The following MESP2 variants were observed in gnomAD, a reference collection of about 807,000 sequenced individuals.
MESP2 encodes the protein mesoderm posterior protein 2.
A neutral mutation model predicts 37.8 loss-of-function variants in MESP2; 34 were observed. The observed-to-expected ratio is 0.90, with a 90% CI of 0.68 to 1.20. The LOEUF (loss-of-function observed/expected upper bound fraction) is 1.20, where lower values mean the gene tolerates loss of function less well. Among genes scored for constraint, MESP2 ranks in the 50% most tolerant of loss-of-function variants. The pLI is 0.00. For missense variants in MESP2, 646 were observed against 545.3 expected, an observed-to-expected ratio of 1.18 and a Z score of -1.84; for synonymous variants, 303 against 251.6, an observed-to-expected ratio of 1.20 and a Z score of -1.93.
Position 89,776,867 on chromosome 15 carries a change from C to A in MESP2, c.510C>A (p.Pro170=). 6.9e-7 allele frequency: 1 copy of A among 1,457,114 alleles called. No homozygotes were observed. Among genetic ancestry groups the A allele is most frequent in the Non-Finnish European group, 9.0e-7 (1 of 1,111,022 alleles). 90.3% of individuals were successfully genotyped at this position (1,457,114 alleles called of 1,614,324 possible). Residue 170 remains proline (P), a synonymous_variant, in exon 1 of 2, where the codon CCC becomes CCA. Transcript: ENST00000341735. ...WGCPLCPDRG[P]AEAQTQAEGQ... ...GCCCGCTGTGCCCCGACCGTGGCCCCGCAGAGGCGCAGACGCAGGCGGAGG... is the reference window on the plus strand; with the variant it reads ...GCCCGCTGTGCCCCGACCGTGGCCCAGCAGAGGCGCAGACGCAGGCGGAGG...
At position 89,778,439 on chromosome 15, in the gene MESP2, C is replaced by A; in HGVS notation, c.*105C>A. Reference sequence around the variant, plus strand: ...TCATGTTCTCCTTTAGCCAAGGCTCCCTTTTTCCAAGTGATGTCTTTCAGG... The same window carrying A: ...TCATGTTCTCCTTTAGCCAAGGCTCACTTTTTCCAAGTGATGTCTTTCAGG... On this transcript the variant is annotated 3_prime_UTR_variant, in exon 2 of 2. Transcript: ENST00000341735. The A allele has an allele frequency of 7.0e-7, 1 of 1,428,364 alleles. No homozygotes were observed. Among genetic ancestry groups the A allele is most frequent in the Non-Finnish European group, 9.7e-7 (1 of 1,028,920 alleles). 88.5% of individuals were successfully genotyped at this position (1,428,364 alleles called of 1,614,324 possible). A position where few individuals can be genotyped will look rare whatever the true frequency, so the allele number is the denominator to read the frequency against.
chr15:89,777,128 GC>G lies in MESP2; in HGVS notation c.776del (p.Pro259ArgfsTer222). ...CCCCTTACTGCCCCAAGATACAGTC[GC>G]CCCCGTATTCGTCCCAAGGGACAAC... ...TPPYCPKIQS[P>X]PYSSQGTTSD... On this transcript the variant is annotated frameshift_variant, in exon 1 of 2. Transcript: ENST00000341735. LOFTEE classifies it high-confidence loss of function. 2 of 1,612,908 alleles carry G rather than the reference GC, an allele frequency of 1.2e-6. No homozygotes were observed. The highest frequency in any genetic ancestry group is 2.2e-5 in the East Asian group (1 of 44,862).
At position 89,776,503 on chromosome 15, in the gene MESP2, G is replaced by A. The variant is rs1341392113; in HGVS notation, c.146G>A (p.Arg49His). The change falls in exon 1 of 2, where the codon CGC (arginine) becomes CAC (histidine). Residue 49 changes from arginine to histidine, a missense_variant. Coordinates refer to ENST00000341735, the MANE Select transcript of MESP2 (RefSeq NM_001039958.2). ...SSGSCPCDGA[R>H]GLPQPQPPSC... ...GGTTCGTGCCCCTGCGACGGCGCCC[G>A]CGGACTCCCGCAGCCACAGCCTCCG... is the stretch of plus-strand genomic sequence containing the variant. 3.3e-6 allele frequency: 5 copies of A among 1,533,158 alleles called. No homozygotes were observed. In the South Asian group the frequency reaches 3.6e-5, roughly 11 times the overall value. The allele number at this position is 1,533,158 out of a possible 1,614,324, so 95.0% of individuals were successfully genotyped here.
At position 89,776,707 on chromosome 15, in the gene MESP2, A is replaced by G. The variant is rs757019924; in HGVS notation, c.350A>G (p.Gln117Arg). 3.8e-5 allele frequency: 60 copies of G among 1,565,120 alleles called. No homozygotes were observed. In the Admixed American group the frequency reaches 1.0e-3, roughly 27 times the overall value. ...CCTCCCTCCTTGGCGCCGGCCGGCC[A>G]GAGCCTGACCAAGATCGAGACGCTG... ...FLPPSLAPAG[Q>R]SLTKIETLRL... The change falls in exon 1 of 2, where the codon CAG (glutamine) becomes CGG (arginine). Residue 117 changes from glutamine (Q) to arginine (R), a missense_variant. Transcript: ENST00000341735.
rs1968399722 is a variant in MESP2, at chr15:89,778,494, C to A, written c.*160C>A. 2.1e-6 allele frequency: 2 copies of A among 974,732 alleles called. No homozygotes were observed. Among genetic ancestry groups the A allele is most frequent in the Admixed American group, 2.1e-5 (1 of 47,894 alleles). 60.4% of individuals were successfully genotyped at this position (974,732 alleles called of 1,614,324 possible). On this transcript the variant is annotated 3_prime_UTR_variant, in exon 2 of 2. Transcript: ENST00000341735. ...CAGTGTTTGAAATAGATAGCGGGTA[C>A]CTTCCCTGGATGGAGTCAGGGCGGG... is the stretch of plus-strand genomic sequence containing the variant.
At chr15:89,777,403 C>T (rs1260723412) in intron 1 of MESP2, 122 bp downstream of exon 1, 15 of 1,164,786 alleles carry the variant, frequency 1.3e-5, no homozygotes, top group East Asian at 2.6e-5. Context: ...AAGGAACCCC[C>T]GGCTCCGTGG....
In MESP2 at chr15:89,776,368, C is replaced by G. The variant is rs1555439013; in HGVS notation, c.11C>G (p.Ser4Trp). The change falls in exon 1 of 2, where the codon TCG becomes TGG. Residue 4 changes from serine (S) to tryptophan (W), a missense_variant. Transcript: ENST00000341735. MAQ[S>W]PPPQSLLGHD... ...GCCTGCAGCCCGGCCATGGCCCAGT[C>G]GCCTCCTCCGCAGAGCCTCCTCGGC... 6.5e-7 allele frequency: 1 copy of G among 1,532,002 alleles called. No homozygotes were observed. The highest frequency in any genetic ancestry group is 1.2e-5 in the South Asian group (1 of 83,458). 94.9% of individuals were successfully genotyped at this position (1,532,002 alleles called of 1,614,324 possible). A position where few individuals can be genotyped will look rare whatever the true frequency, so the allele number is the denominator to read the frequency against.
At chr15:89,777,883 T>C (rs191344157) in intron 1 of MESP2, among the ~76,000 whole-genome samples, 182 bp from the exon 2 acceptor site, 22 of 152,294 alleles carry the variant, frequency 1.4e-4, no homozygotes, top group Admixed American at 1.4e-3. Flanking sequence ...GTAGCAGAAC[T>C]GGGATTTAAG....
In MESP2 at chr15:89,778,298, A is replaced by G. The variant is rs746629107; in HGVS notation, c.1158A>G (p.Glu386=). The change falls in exon 2 of 2, where the codon GAA becomes GAG. Residue 386 remains glutamate (E), a synonymous_variant. Coordinates refer to ENST00000341735, the MANE Select transcript of MESP2 (RefSeq NM_001039958.2). ...RFSGCPELWQ[E]DLEGARLGIF... ...GTGGCTGCCCTGAACTTTGGCAAGA[A>G]GATCTGGAGGGGGCCCGCCTGGGCA... 1.1e-5 allele frequency: 17 copies of G among 1,612,890 alleles called. No homozygotes were observed. The South Asian group carries it at 1.9e-4, about 18-fold the overall frequency.
chr15:89,778,387 C>T lies in MESP2; in HGVS notation c.*53C>T. ...AGGAATCAGTCCTGTAGCTTGGGTG[C>T]CTCCTTATTTGTTAATTAGTGGCTT... On this transcript the variant is annotated 3_prime_UTR_variant, in exon 2 of 2. Coordinates refer to ENST00000341735, the MANE Select transcript of MESP2 (RefSeq NM_001039958.2). 6.8e-6 allele frequency: 11 copies of T among 1,605,912 alleles called. No individual in the cohort carries two copies. Among genetic ancestry groups the T allele is most frequent in the Non-Finnish European group, 9.4e-6 (11 of 1,174,208 alleles).
Position 89,777,192 on chromosome 15 carries a change from C to T in MESP2, c.835C>T (p.Pro279Ser), listed in dbSNP as rs1164656326. The T allele has an allele frequency of 6.2e-7, 1 of 1,612,824 alleles. No homozygotes were observed. Among genetic ancestry groups the T allele is most frequent in the South Asian group, 1.1e-5 (1 of 91,044 alleles). ...TCTTTGGACGCCACCCCAAGGCTGT[C>T]CCTGGACGCAGTCGTCCCCAGAGCC... ...ASLWTPPQGC[P>S]WTQSSPEPRN... Residue 279 changes from proline to serine, a missense_variant, in exon 1 of 2, where the codon CCC becomes TCC. Physicochemically the swap from Pro to Ser is moderately conservative, Grantham distance 74. Transcript: ENST00000341735.
chr15:89,778,381 T>A lies in MESP2; in HGVS notation c.*47T>A, dbSNP rs1204510319. On this transcript the variant is annotated 3_prime_UTR_variant, in exon 2 of 2. Coordinates refer to ENST00000341735, the MANE Select transcript of MESP2 (RefSeq NM_001039958.2). Reference sequence around the variant, plus strand: ...CCATCCAGGAATCAGTCCTGTAGCTTGGGTGCCTCCTTATTTGTTAATTAG... The same window carrying A: ...CCATCCAGGAATCAGTCCTGTAGCTAGGGTGCCTCCTTATTTGTTAATTAG... 1 of 1,610,526 alleles carries A rather than the reference T, an allele frequency of 6.2e-7. No homozygotes were observed. The highest frequency in any genetic ancestry group is 1.7e-5 in the Admixed American group (1 of 59,970).
rs1968400996 is a variant in MESP2, at chr15:89,778,635, T to A, written c.*301T>A. 2.2e-6 allele frequency: 1 copy of A among 446,816 alleles called. No homozygotes were observed. The highest frequency in any genetic ancestry group is 6.4e-4 in the Middle Eastern group (1 of 1,566). 27.7% of individuals were successfully genotyped at this position (446,816 alleles called of 1,614,324 possible). ...CTAAAGGCAGCTGGGCAGGGACAGG[T>A]GGGAGAATGGGTGTAGGAGGCAGGC... On this transcript the variant is annotated 3_prime_UTR_variant, in exon 2 of 2. Transcript: ENST00000341735.
chr15:89,776,640 C>G lies in MESP2; in HGVS notation c.283C>G (p.Arg95Gly). 2 of 1,525,360 alleles carry G rather than the reference C, an allele frequency of 1.3e-6. No individual in the cohort carries two copies. The highest frequency in any genetic ancestry group is 1.7e-6 in the Non-Finnish European group (2 of 1,143,254). 94.5% of individuals were successfully genotyped at this position (1,525,360 alleles called of 1,614,324 possible). ...SASEREKLRM[R>G]TLARALHELR... ...CAGCGAGCGGGAGAAACTGCGCATG[C>G]GCACGCTGGCCCGCGCCCTGCACGA... The change falls in exon 1 of 2, where the codon CGC becomes GGC. Residue 95 changes from arginine (R) to glycine (G), a missense_variant. By Grantham distance (125) the Arg-to-Gly change is moderately radical. Coordinates refer to ENST00000341735, the MANE Select transcript of MESP2 (RefSeq NM_001039958.2).
In MESP2 at chr15:89,776,657, C is replaced by T. The variant is rs1968367451; in HGVS notation, c.300C>T (p.Ala100=). The part of the protein sequence containing the change: ...EKLRMRTLAR[A]LHELRRFLPP... Reference sequence around the variant, plus strand: ...TGCGCATGCGCACGCTGGCCCGCGCCCTGCACGAGTTGCGCCGCTTTCTGC... The same window carrying T: ...TGCGCATGCGCACGCTGGCCCGCGCTCTGCACGAGTTGCGCCGCTTTCTGC... The change falls in exon 1 of 2, where the codon GCC becomes GCT. Residue 100 remains alanine (A), a synonymous_variant. Transcript: ENST00000341735. The T allele has an allele frequency of 5.2e-6, 8 of 1,533,868 alleles. No individual in the cohort carries two copies. The East Asian group carries it at 1.5e-4, about 29-fold the overall frequency.
In MESP2 at chr15:89,776,735, C is replaced by G. The variant is rs748816022; in HGVS notation, c.378C>G (p.Arg126=). Residue 126 remains arginine (R), a synonymous_variant, in exon 1 of 2, where the codon CGC becomes CGG. Transcript: ENST00000341735. ...GQSLTKIETL[R]LAIRYIGHLS... is the part of the protein sequence containing the mutation. ...GCCTGACCAAGATCGAGACGCTGCGCCTGGCCATCCGCTACATCGGCCACC... is the reference window on the plus strand; with the variant it reads ...GCCTGACCAAGATCGAGACGCTGCGGCTGGCCATCCGCTACATCGGCCACC... 3.3e-5 allele frequency: 52 copies of G among 1,554,216 alleles called. No homozygotes were observed. The highest frequency in any genetic ancestry group is 4.2e-5 in the Non-Finnish European group (49 of 1,156,270).
At position 89,778,089 on chromosome 15, in the gene MESP2, T is replaced by C; in HGVS notation, c.949T>C (p.Cys317Arg). Reference protein sequence around the residue: ...YQGLSVSPEPCLSLGAPSLLP... With the variant: ...YQGLSVSPEPRLSLGAPSLLP... Reference sequence around the variant, plus strand: ...GGGTCTCTCTGTGTCTCCAGAGCCCTGTCTGTCGCTGGGAGCTCCATCTCT... The same window carrying C: ...GGGTCTCTCTGTGTCTCCAGAGCCCCGTCTGTCGCTGGGAGCTCCATCTCT... Residue 317 changes from cysteine (C) to arginine (R), a missense_variant, in exon 2 of 2, where the codon TGT becomes CGT. By Grantham distance (180) the Cys-to-Arg change is radical. Transcript: ENST00000341735. 1.2e-6 allele frequency: 2 copies of C among 1,613,740 alleles called. No homozygotes were observed. Among genetic ancestry groups the C allele is most frequent in the Non-Finnish European group, 1.7e-6 (2 of 1,180,034 alleles).
rs929103166 is a variant in MESP2, at chr15:89,778,512, A to G, written c.*178A>G. ...GCGGGTACCTTCCCTGGATGGAGTCAGGGCGGGGGCACTGTCCTCCACTGC... is the reference window on the plus strand; with the variant it reads ...GCGGGTACCTTCCCTGGATGGAGTCGGGGCGGGGGCACTGTCCTCCACTGC... On this transcript the variant is annotated 3_prime_UTR_variant, in exon 2 of 2. Coordinates refer to ENST00000341735, the MANE Select transcript of MESP2 (RefSeq NM_001039958.2). 8 of 807,516 alleles carry G rather than the reference A, an allele frequency of 9.9e-6. No homozygotes were observed. The highest frequency in any genetic ancestry group is 1.4e-5 in the Non-Finnish European group (7 of 499,966). The allele number at this position is 807,516 out of a possible 1,614,324, so 50.0% of individuals were successfully genotyped here.
rs1341765139 is a variant in MESP2 at position 89,778,731 on chromosome 15, A to G, written c.*397A>G. 2 of 198,844 alleles carry G rather than the reference A, an allele frequency of 1.0e-5. No homozygotes were observed. Among genetic ancestry groups the G allele is most frequent in the Non-Finnish European group, 2.1e-5 (2 of 95,788 alleles). The allele number at this position is 198,844 out of a possible 1,614,324, so 12.3% of individuals were successfully genotyped here. A position where few individuals can be genotyped will look rare whatever the true frequency, so the allele number is the denominator to read the frequency against. On this transcript the variant is annotated 3_prime_UTR_variant, in exon 2 of 2. Coordinates refer to ENST00000341735, the MANE Select transcript of MESP2 (RefSeq NM_001039958.2). The stretch of plus-strand genomic sequence containing the variant: ...TTTGATTTTTTTGTACTTAAAAAGA[A>G]AAAACACACACACACAACAAAAATT...
Sources: gnomAD v4.1 joint callset for allele counts (sites outside exome capture counted in the v4.1 genomes callset) on GRCh38, gnomAD v4.1.1 for gene constraint, MANE v1.5 for transcripts, NCBI Gene and HGNC (gene_info 2026-07-23, HGNC 2026-07-21) for gene names.